The following CPLX4 variants were observed in gnomAD, a reference collection of about 807,000 sequenced individuals.
The protein encoded by CPLX4 is complexin-4.
In CPLX4, 17 loss-of-function variants were observed where a neutral mutation model predicts 16.1. The observed-to-expected ratio is 1.06, with a 90% CI of 0.72 to 1.59. CPLX4 has a LOEUF of 1.59. CPLX4 is among the 40% of genes most tolerant of loss of function. CPLX4 has a pLI of 0.00. For synonymous variants in CPLX4, 55 were observed against 57.8 expected, an observed-to-expected ratio of 0.95 and a Z score of 0.22; for missense variants, 193 against 192.9, an observed-to-expected ratio of 1.00 and a Z score of 0.00.
chr18:59,296,886 C>A lies in CPLX4; in HGVS notation c.295G>T (p.Asp99Tyr). Reference sequence around the variant, plus strand: ...CGGAGATCTTCAGGTAAATCCACATCATCTCCAGCCATCTGGATTTGATTC... The same window carrying A: ...CGGAGATCTTCAGGTAAATCCACATAATCTCCAGCCATCTGGATTTGATTC... ...DENQIQMAGDDVDLPEDLRKM... is the reference protein window; with the variant it reads ...DENQIQMAGDYVDLPEDLRKM... The change falls in exon 3 of 3, where the codon GAT (aspartate) becomes TAT (tyrosine). Residue 99 changes from aspartate (D) to tyrosine (Y), a missense_variant. Transcript: ENST00000299721. 1 of 1,612,328 alleles carries A rather than the reference C, an allele frequency of 6.2e-7. No homozygotes were observed. Among genetic ancestry groups the A allele is most frequent in the Non-Finnish European group, 8.5e-7 (1 of 1,179,750 alleles).
chr18:59,297,179 CATTAGCAT>C (rs1382547495), intron 2 of CPLX4, among the ~76,000 whole-genome samples: 1 of 152,056 alleles, frequency 6.6e-6, no homozygotes, highest in Non-Finnish European at 1.5e-5. Context: ...GGACAAGCAG[CATTAGCAT>C]CATCTAGAGC....
At chr18:59,302,370 C>T (rs1035896287) in intron 2 of CPLX4, among the ~76,000 whole-genome samples, 1 of 152,168 alleles carries the variant, frequency 6.6e-6, no homozygotes, top group Non-Finnish European at 1.5e-5. Context: ...CACTACAGGC[C>T]GGAAGCAGCT....
chr18:59,314,393 CT>C (rs1009857200), intron 1 of CPLX4, among the ~76,000 whole-genome samples: 6 of 152,156 alleles, frequency 3.9e-5, no homozygotes, highest in African/African-American at 1.4e-4. Context: ...CCACATTTTA[CT>C]TTTTTGATAC....
chr18:59,308,893 G>A (rs1568106288), intron 2 of CPLX4, among the ~76,000 whole-genome samples: 3 of 152,224 alleles, frequency 2.0e-5, no homozygotes, highest in South Asian at 2.1e-4. Flanking sequence ...GGAGGGTAAC[G>A]TGCGACAAGT....
At chr18:59,318,054 C>A (rs974557546) in intron 1 of CPLX4, among the ~76,000 whole-genome samples, 1 of 152,088 alleles carries the variant, frequency 6.6e-6, no homozygotes, top group African/African-American at 2.4e-5. Flanking sequence ...GCTTTAAGAA[C>A]AACATATAGA....
intron 1 of CPLX4, among the ~76,000 whole-genome samples, chr18:59,316,259 A>G (rs931127859): frequency 1.3e-5 from 2 of 150,816 alleles, no homozygotes; most frequent in South Asian, 2.1e-4. Context: ...GTGCGTGCGC[A>G]CACACACACA....
chr18:59,309,922 C>G (rs2070605658), intron 2 of CPLX4, among the ~76,000 whole-genome samples: 1 of 151,606 alleles, frequency 6.6e-6, no homozygotes, highest in South Asian at 2.1e-4. Context: ...ACAAGCTGCT[C>G]TTTTTCATGG....
chr18:59,309,616 G>A (rs2070601590), intron 2 of CPLX4, among the ~76,000 whole-genome samples: 1 of 152,078 alleles, frequency 6.6e-6, no homozygotes, highest in African/African-American at 2.4e-5. Context: ...AAGGTCAGGA[G>A]ATCGAGACCA....
chr18:59,303,707 G>C (rs551993307), intron 2 of CPLX4, among the ~76,000 whole-genome samples: 1 of 152,216 alleles, frequency 6.6e-6, no homozygotes, highest in Non-Finnish European at 1.5e-5. Flanking sequence ...TGAAGATGAC[G>C]TGAGAAAGCT....
At chr18:59,314,578 A>C (rs1178589733) in intron 1 of CPLX4, among the ~76,000 whole-genome samples, 1 of 152,196 alleles carries the variant, frequency 6.6e-6, no homozygotes, top group Non-Finnish European at 1.5e-5. Context: ...CCCAAAAAGC[A>C]CACACCTGTG....
chr18:59,297,989 T>G (rs1286997189), intron 2 of CPLX4, among the ~76,000 whole-genome samples: 2 of 152,230 alleles, frequency 1.3e-5, no homozygotes, highest in East Asian at 1.9e-4. Flanking sequence ...GCCTTCGGTG[T>G]TGCTGACGCT....
At chr18:59,317,680 T>C (rs2070659778) in intron 1 of CPLX4, among the ~76,000 whole-genome samples, 1 of 152,142 alleles carries the variant, frequency 6.6e-6, no homozygotes, top group Non-Finnish European at 1.5e-5. Context: ...TGATTTTATG[T>C]CATAGGTATA....
intron 2 of CPLX4, among the ~76,000 whole-genome samples, chr18:59,310,960 G>GTGTGTA (rs1206638625): frequency 8.1e-6 from 1 of 123,224 alleles, no homozygotes; most frequent in African/African-American, 2.8e-5. Flanking sequence ...GTGTGTGTGT[G>GTGTGTA]TGTGTGTGTG....
chr18:59,303,383 A>G (rs930790788), intron 2 of CPLX4, among the ~76,000 whole-genome samples: 1 of 152,232 alleles, frequency 6.6e-6, no homozygotes, highest in Non-Finnish European at 1.5e-5. Context: ...CCTTATGAAG[A>G]CATTCCACAG....
At chr18:59,297,316 G>C (rs2070508866) in intron 2 of CPLX4, among the ~76,000 whole-genome samples, 1 of 149,520 alleles carries the variant, frequency 6.7e-6, no homozygotes, top group African/African-American at 2.5e-5. Flanking sequence ...TTGCTCTGTT[G>C]CCCAGGCTGA....
At chr18:59,308,520 C>G (rs1405920438) in intron 2 of CPLX4, among the ~76,000 whole-genome samples, 4 of 151,480 alleles carry the variant, frequency 2.6e-5, no homozygotes, top group Non-Finnish European at 5.9e-5. Flanking sequence ...CCCCCCCATC[C>G]CATCCAATGA....
chr18:59,296,672 TTCCC>T lies in CPLX4; in HGVS notation c.*22_*25del. ...AGTGGTCTTTTCCAAGGATGGCTGGTTCCCTCCCTCCACCCCTCCCACCCCTCAC... is the reference window on the plus strand; with the variant it reads ...AGTGGTCTTTTCCAAGGATGGCTGGTTCCCTCCACCCCTCCCACCCCTCAC... On this transcript the variant is annotated 3_prime_UTR_variant, in exon 3 of 3. Coordinates refer to ENST00000299721, the MANE Select transcript of CPLX4 (RefSeq NM_181654.4). 1 of 1,594,958 alleles carries T rather than the reference TTCCC, an allele frequency of 6.3e-7. No individual in the cohort carries two copies. The highest frequency in any genetic ancestry group is 8.6e-7 in the Non-Finnish European group (1 of 1,164,138).
chr18:59,296,712 A>G lies in CPLX4; in HGVS notation c.469T>C (p.Cys157Arg), dbSNP rs752949677. 3.5e-5 allele frequency: 57 copies of G among 1,610,156 alleles called. No individual in the cohort carries two copies. In the South Asian group the frequency reaches 6.2e-4, roughly 17 times the overall value. Residue 157 changes from cysteine (C) to arginine (R), a missense_variant, in exon 3 of 3, where the codon TGT becomes CGT. By Grantham distance (180) the Cys-to-Arg change is radical (BLOSUM62 -3). Coordinates refer to ENST00000299721, the MANE Select transcript of CPLX4 (RefSeq NM_181654.4). ...TEIKQTAEQK[C>R]SVM ...CCTCCCACCCCTCACATCACGGAAC[A>G]CTTCTGCTCCGCTGTCTGCTTGATT...
intron 1 of CPLX4, among the ~76,000 whole-genome samples, chr18:59,317,060 C>G (rs2070655771): frequency 6.6e-6 from 1 of 152,008 alleles, no homozygotes; most frequent in African/African-American, 2.4e-5. Flanking sequence ...TTTTAAAAAC[C>G]AACTTTAAGT....
Sources: gnomAD v4.1 joint callset for allele counts (sites outside exome capture counted in the v4.1 genomes callset) on GRCh38, gnomAD v4.1.1 for gene constraint, MANE v1.5 for transcripts, NCBI Gene and HGNC (gene_info 2026-07-23, HGNC 2026-07-21) for gene names.